RAP1GAP2: variants seen among roughly 807,000 people sequenced by gnomAD.
RAP1GAP2 encodes the protein rap1 GTPase-activating protein 2.
A neutral mutation model predicts 95.0 loss-of-function variants in RAP1GAP2; 27 were observed. The observed-to-expected ratio is 0.28, with a 90% confidence interval of 0.21 to 0.39. RAP1GAP2 has a LOEUF of 0.39. Ranked by LOEUF, RAP1GAP2 falls within the 10% of genes least tolerant of loss-of-function variation. The pLI is 1.00. For missense variants in RAP1GAP2, 771 were observed against 970.0 expected (o/e 0.79, Z 2.72); for synonymous variants, 373 against 380.9 (o/e 0.98, Z 0.24).
At chr17:2,831,514 G>T (rs185047268) in intron 2 of RAP1GAP2, among the ~76,000 whole-genome samples, 2 of 151,758 alleles carry the variant, frequency 1.3e-5, no homozygotes, top group East Asian at 3.9e-4. Flanking sequence ...AAATAACTGT[G>T]TAGTATTTAA....
intron 3 of RAP1GAP2, among the ~76,000 whole-genome samples, chr17:2,922,923 C>T (rs933962081): frequency 3.3e-4 from 49 of 150,010 alleles, no homozygotes; most frequent in Non-Finnish European, 8.9e-5. Flanking sequence ...GCTTGTGGCA[C>T]GACCTTGGCT....
intron 1 of RAP1GAP2, among the ~76,000 whole-genome samples, chr17:2,780,927 G>A (rs1254467964): frequency 1.3e-5 from 2 of 152,208 alleles, no homozygotes; most frequent in Non-Finnish European, 2.9e-5. Context: ...AGCCTGACAT[G>A]CTGTACTGTT....
chr17:3,023,655 T>C (rs545327616), intron 19 of RAP1GAP2, among the ~76,000 whole-genome samples: 2 of 152,354 alleles, frequency 1.3e-5, no homozygotes, highest in East Asian at 1.9e-4. Flanking sequence ...TTTATTATTA[T>C]ACTTTAAGTT....
intron 2 of RAP1GAP2, among the ~76,000 whole-genome samples, chr17:2,819,149 C>G (rs1045675838): frequency 3.3e-5 from 5 of 151,064 alleles, no homozygotes; most frequent in Non-Finnish European, 1.5e-5. Context: ...CTCCCAAGTA[C>G]CTGGGACTAC....
At chr17:2,799,749 A>G (rs1314669845) in intron 1 of RAP1GAP2, among the ~76,000 whole-genome samples, 1 of 152,140 alleles carries the variant, frequency 6.6e-6, no homozygotes, top group East Asian at 1.9e-4. Context: ...TGACAGTGGG[A>G]ACACTGTCCA....
At chr17:2,930,476 A>G (rs2043106584) in intron 3 of RAP1GAP2, among the ~76,000 whole-genome samples, 1 of 152,212 alleles carries the variant, frequency 6.6e-6, no homozygotes, top group African/African-American at 2.4e-5. Context: ...CTCACTCGGA[A>G]TGGAGGCTTC....
intron 2 of RAP1GAP2, among the ~76,000 whole-genome samples, chr17:2,876,195 T>C (rs9905732): frequency 0.014 from 2,064 of 152,004 alleles, 52 homozygotes; most frequent in African/African-American, 0.046. Flanking sequence ...CCTCGGCCTC[T>C]CAAAGTGCTG....
intron 2 of RAP1GAP2, among the ~76,000 whole-genome samples, chr17:2,801,597 ATGTGTGTGTGTGTGTGTGTGTGTGTGTG>A (rs71150898): frequency 8.2e-6 from 1 of 121,872 alleles, no homozygotes; most frequent in Non-Finnish European, 1.7e-5. Flanking sequence ...ACTCCAGGGT[ATGTGTGTGTGTGTGTGTGTGTGTGTGTG>A]TGTGTGTGTG....
chr17:2,813,525 C>CT (rs397809793), intron 2 of RAP1GAP2, among the ~76,000 whole-genome samples: 1 of 151,684 alleles, frequency 6.6e-6, no homozygotes, highest in Non-Finnish European at 1.5e-5. Flanking sequence ...GGGCGTGAGC[C>CT]CTCTGGGCCA....
rs533020473 is a variant in RAP1GAP2, at chr17:2,770,077, C to CAAAAAAAAA, written c.51-243_51-235dup. Among the ~76,000 whole-genome samples, 12 of 97,782 alleles carry CAAAAAAAAA rather than the reference C, an allele frequency of 1.2e-4. 2 individuals carry two copies. Among genetic ancestry groups the CAAAAAAAAA allele is most frequent in the East Asian group, 1.1e-3 (4 of 3,560 alleles). The allele number at this position is 97,782 out of a possible 152,430, so 64.1% of individuals were successfully genotyped here. ...AACAGAGAGAGACTCGGTCTCAAAA[C>CAAAAAAAAA]AAAAAAAAAAAAAAAAAGAAGAAGA... is the stretch of plus-strand genomic sequence containing the variant. On this transcript the variant is annotated intron_variant, in intron 1 of 25. Coordinates refer to the RAP1GAP2 transcript ENST00000637138.
intron 3 of RAP1GAP2, among the ~76,000 whole-genome samples, chr17:2,956,741 C>T (rs551192057): frequency 2.6e-5 from 4 of 152,294 alleles, no homozygotes; most frequent in South Asian, 4.1e-4. Flanking sequence ...GCTTCCATTC[C>T]GCTTCCCTTT....
rs1349704357 is a variant in RAP1GAP2, at chr17:2,825,584, G to A, written c.80+25034G>A. ...ACTGCTGGGGTTACCTTGGGCAACC[G>A]TCTGAACCTCTCTGAGCTTGTTTTC... On this transcript the variant is annotated intron_variant, in intron 2 of 24. Transcript: ENST00000254695. This position sits in a 1 kb window ranked among gnomAD's most constrained non-coding sequence, Gnocchi z 4.1. Among the ~76,000 whole-genome samples the A allele has an allele frequency of 2.0e-5, 3 of 152,100 alleles. No homozygotes were observed. The highest frequency in any genetic ancestry group is 4.4e-5 in the Non-Finnish European group (3 of 68,026).
chr17:3,027,151 C>T lies in RAP1GAP2; in HGVS notation c.2107+81C>T, dbSNP rs1028370815. 7.2e-5 allele frequency: 105 copies of T among 1,465,722 alleles called. No individual in the cohort carries two copies. Among genetic ancestry groups the T allele is most frequent in the Non-Finnish European group, 7.4e-5 (81 of 1,097,098 alleles). The allele number at this position is 1,465,722 out of a possible 1,614,324, so 90.8% of individuals were successfully genotyped here. A position where few individuals can be genotyped will look rare whatever the true frequency, so the allele number is the denominator to read the frequency against. On this transcript the variant is annotated intron_variant, in intron 22 of 24. Coordinates refer to ENST00000254695, the MANE Select transcript of RAP1GAP2 (RefSeq NM_015085.5). The surrounding 1 kb of genome is among the most constrained non-coding windows in gnomAD (Gnocchi z 5.2). ...TCCACTGTTAGCAGGGCCCCAGCCA[C>T]GCTGAACTGGCCAGTTTTCACCCCT...
chr17:2,841,453 G>A (rs948503966), intron 2 of RAP1GAP2, among the ~76,000 whole-genome samples: 1 of 151,534 alleles, frequency 6.6e-6, no homozygotes, highest in Non-Finnish European at 1.5e-5. Context: ...ACAGGCGCCC[G>A]CCACCACACG....
At chr17:2,763,041 C>T (rs539966140) in intron 1 of RAP1GAP2, among the ~76,000 whole-genome samples, 2 of 152,224 alleles carry the variant, frequency 1.3e-5, no homozygotes, top group Admixed American at 1.3e-4. Context: ...AGTTACTCTC[C>T]TTCAGTGTAG....
intron 2 of RAP1GAP2, among the ~76,000 whole-genome samples, chr17:2,888,551 C>A (rs542059196): frequency 1.3e-5 from 2 of 152,254 alleles, no homozygotes; most frequent in African/African-American, 4.8e-5. Context: ...TTTCACTTCC[C>A]ATAATGTCCT....
rs910406104 is a variant in RAP1GAP2 at position 2,963,331 on chromosome 17, C to G, written c.247-99C>G. 3 of 1,336,740 alleles carry G rather than the reference C, an allele frequency of 2.2e-6. No individual in the cohort carries two copies. Among genetic ancestry groups the G allele is most frequent in the South Asian group, 2.4e-5 (2 of 84,776 alleles). The allele number at this position is 1,336,740 out of a possible 1,614,324, so 82.8% of individuals were successfully genotyped here. ...CCATCGAATGTTCCTCCCTCAAAGC[C>G]CCCCCACAACATATCCCCCTTGCAA... On this transcript the variant is annotated intron_variant, in intron 5 of 24. Transcript: ENST00000254695. This position sits in a 1 kb window ranked among gnomAD's most constrained non-coding sequence, Gnocchi z 4.8.
intron 17 of RAP1GAP2, among the ~76,000 whole-genome samples, chr17:3,012,631 A>G (rs918602603): frequency 1.6e-5 from 2 of 124,924 alleles, no homozygotes; most frequent in East Asian, 2.4e-4. Flanking sequence ...AAAAAAAAAA[A>G]CAAACCTAAA....
At chr17:2,833,542 G>T (rs1282349927) in intron 2 of RAP1GAP2, among the ~76,000 whole-genome samples, 5 of 151,760 alleles carry the variant, frequency 3.3e-5, no homozygotes, top group East Asian at 3.9e-4. Context: ...TACAAAAAAT[G>T]AGCCGGGTGT....
Sources: allele counts gnomAD v4.1 joint callset (sites outside exome capture counted in the v4.1 genomes callset), GRCh38; gene constraint gnomAD v4.1.1; non-coding constraint Gnocchi (gnomAD v3.1); transcripts MANE v1.5; gene names NCBI Gene and HGNC (gene_info 2026-07-23, HGNC 2026-07-21).